The following MALL variants were observed in gnomAD, a reference collection of about 807,000 sequenced individuals.
MALL encodes MAL-like protein.
Under a neutral mutation model 10.3 loss-of-function variants are expected in MALL, and 2 were observed. The ratio of observed to expected loss-of-function variants is 0.19; its 90% confidence interval spans 0.08 to 0.61. MALL has a LOEUF of 0.61. Among genes scored for constraint, MALL ranks in the 20% least tolerant of loss-of-function variants. The pLI, the probability that MALL is intolerant of heterozygous loss-of-function variation, is 0.88. For synonymous variants in MALL, 27 were observed against 51.8 expected (o/e 0.52, Z 2.05); for missense variants, 39 against 115.2 (o/e 0.34, Z 3.03).
intron 1 of MALL, among the ~76,000 whole-genome samples, chr2:110,108,866 A>C (rs1678746964): frequency 6.6e-6 from 1 of 152,194 alleles, no homozygotes; most frequent in African/African-American, 2.4e-5. Context: ...TACAACCTAG[A>C]AGAGACTGCG....
chr2:110,095,219 C>A lies in MALL; in HGVS notation c.106-3449G>T, dbSNP rs140247404. Reference sequence around the variant, plus strand: ...ACTTTTTCTTAAAGCTCATATTTGGCTTTCCAAATTTCCTGGTGGCCTAAA... The same window carrying A: ...ACTTTTTCTTAAAGCTCATATTTGGATTTCCAAATTTCCTGGTGGCCTAAA... On this transcript the variant is annotated intron_variant, in intron 1 of 3. Coordinates refer to ENST00000272462, the MANE Select transcript of MALL (RefSeq NM_005434.5). Among the ~76,000 whole-genome samples the A allele has an allele frequency of 8.5e-5, 13 of 152,284 alleles. No individual in the cohort carries two copies. In the East Asian group the frequency reaches 2.5e-3, roughly 29 times the overall value.
intron 1 of MALL, 112 bp downstream of exon 1, chr2:110,115,576 C>T: frequency 2.2e-6 from 1 of 448,372 alleles, no homozygotes. Flanking sequence ...CTTGCTGCCC[C>T]TCTCTCTTCT....
At chr2:110,103,899 C>T (rs1678632181) in intron 1 of MALL, among the ~76,000 whole-genome samples, 1 of 152,150 alleles carries the variant, frequency 6.6e-6, no homozygotes, top group Non-Finnish European at 1.5e-5. Context: ...AGGTGGTTCC[C>T]AGCATCTCTC....
intron 1 of MALL, 45 bp downstream of exon 1, chr2:110,115,643 C>T (rs751403937): frequency 1.8e-6 from 2 of 1,128,616 alleles, no homozygotes; most frequent in East Asian, 6.4e-5. Flanking sequence ...GCCGGTCTCC[C>T]CCTCCCTCTC....
At chr2:110,107,730 C>G (rs1277839316) in intron 1 of MALL, among the ~76,000 whole-genome samples, 1 of 152,196 alleles carries the variant, frequency 6.6e-6, no homozygotes, top group Non-Finnish European at 1.5e-5. Flanking sequence ...AGGGGGCCAA[C>G]CAGCACAAAA....
intron 1 of MALL, chr2:110,097,397 T>A: frequency 4.5e-6 from 2 of 446,930 alleles, no homozygotes; most frequent in Non-Finnish European, 8.9e-6. Context: ...AATATGTAAA[T>A]TTAAAAAGAA....
intron 1 of MALL, among the ~76,000 whole-genome samples, chr2:110,095,196 T>A (rs1281587302): frequency 2.0e-5 from 3 of 152,212 alleles, no homozygotes; most frequent in African/African-American, 7.2e-5. Context: ...TTGTTTTTAC[T>A]TTTTCTTAAA....
intron 1 of MALL, chr2:110,097,642 T>G (rs1326776250): frequency 2.3e-6 from 1 of 434,806 alleles, no homozygotes; most frequent in Admixed American, 2.5e-5. Flanking sequence ...AGATGCATGG[T>G]CTCAGGTCTG....
At chr2:110,117,154 C>G (rs1055257932), upstream of MALL, among the ~76,000 whole-genome samples, 1 of 152,094 alleles carries the variant, frequency 6.6e-6, no homozygotes, top group African/African-American at 2.4e-5. Context: ...AAGGGAGACC[C>G]TAATCCCACC....
upstream of MALL, among the ~76,000 whole-genome samples, chr2:110,116,843 C>G (rs554820783): frequency 1.4e-4 from 21 of 152,308 alleles, no homozygotes; most frequent in African/African-American, 4.6e-4. Context: ...CTTCCTGCCC[C>G]CTGCTGCTCC....
At chr2:110,113,195 T>C (rs988914626) in intron 1 of MALL, among the ~76,000 whole-genome samples, 1 of 151,368 alleles carries the variant, frequency 6.6e-6, no homozygotes, top group Non-Finnish European at 1.5e-5. Flanking sequence ...CTCAGCACTT[T>C]GGGAGGCCGA....
chr2:110,104,813 C>T (rs1381046332), intron 1 of MALL, among the ~76,000 whole-genome samples: 1 of 152,184 alleles, frequency 6.6e-6, no homozygotes, highest in East Asian at 1.9e-4. Flanking sequence ...AGGCTCATGC[C>T]TTACCTTATC....
intron 1 of MALL, among the ~76,000 whole-genome samples, chr2:110,092,705 T>C (rs1356336597): frequency 1.1e-5 from 1 of 94,742 alleles, no homozygotes; most frequent in Admixed American, 1.1e-4. Context: ...TAAAGTATAA[T>C]AATAATAATA....
intron 1 of MALL, among the ~76,000 whole-genome samples, chr2:110,103,833 A>G (rs1678630601): frequency 6.6e-6 from 1 of 152,066 alleles, no homozygotes; most frequent in South Asian, 2.1e-4. Flanking sequence ...CCAGGGAAAG[A>G]CCAGGGCTGG....
upstream of MALL, chr2:110,116,098 G>A: frequency 3.5e-6 from 1 of 284,594 alleles, no homozygotes; most frequent in Non-Finnish European, 6.5e-6. Context: ...TATTCCAGGG[G>A]ATGCCAGCGA....
chr2:110,100,321 G>A (rs1678535466), intron 1 of MALL, among the ~76,000 whole-genome samples: 2 of 152,044 alleles, frequency 1.3e-5, no homozygotes, highest in South Asian at 2.1e-4. Context: ...TCTAGAAAAC[G>A]TTTCAAAAAA....
upstream of MALL, among the ~76,000 whole-genome samples, chr2:110,116,782 C>T (rs1375590872): frequency 1.3e-5 from 2 of 152,220 alleles, no homozygotes; most frequent in African/African-American, 4.8e-5. Context: ...CTTCATTTTC[C>T]CGACCCGCCC....
At chr2:110,108,191 T>C (rs1034130632) in intron 1 of MALL, among the ~76,000 whole-genome samples, 1 of 152,078 alleles carries the variant, frequency 6.6e-6, no homozygotes, top group Non-Finnish European at 1.5e-5. Context: ...AAGAAATCCC[T>C]GATTCACCTG....
chr2:110,103,877 C>A (rs184901166), intron 1 of MALL, among the ~76,000 whole-genome samples: 102 of 152,194 alleles, frequency 6.7e-4, no homozygotes, highest in African/African-American at 2.3e-3. Context: ...GCCAGGGATG[C>A]GGGGCCAGGC....
Sources: allele counts gnomAD v4.1 joint callset (sites outside exome capture counted in the v4.1 genomes callset), GRCh38; gene constraint gnomAD v4.1.1; transcripts MANE v1.5; gene names NCBI Gene and HGNC (gene_info 2026-07-23, HGNC 2026-07-21).